Variants in RANBP2 observed in about 807,000 individuals in gnomAD.
RANBP2 encodes the protein E3 SUMO-protein ligase RanBP2.
Under a neutral mutation model 303.6 loss-of-function variants are expected in RANBP2, and 57 were observed. That is an observed-to-expected ratio of 0.19 (90% CI 0.15 to 0.23). The LOEUF (loss-of-function observed/expected upper bound fraction) is 0.23, where lower values mean the gene tolerates loss of function less well. RANBP2 is among the 10% of genes least tolerant of loss of function. The pLI is 1.00. For missense variants in RANBP2, 3,138 were observed against 3,780.8 expected, an observed-to-expected ratio of 0.83 and a Z score of 4.46; for synonymous variants, 1,167 against 1,301.5, an observed-to-expected ratio of 0.90 and a Z score of 2.23.
At chr2:108,775,693 A>G (rs1175479234) in intron 23 of RANBP2, 39 bp from the exon 24 acceptor site, 5 of 1,603,258 alleles carry the variant, frequency 3.1e-6, no homozygotes, top group Admixed American at 1.7e-5. Context: ...GTAAATTAGC[A>G]TTTAAGTGGC....
At chr2:109,565,781 G>A in the RANBP2 span, 1 of 1,613,734 alleles carries the variant, frequency 6.2e-7, no homozygotes, top group Non-Finnish European at 8.5e-7. Context: ...ACACCCCAAG[G>A]GTACTGGCGA....
the RANBP2 span, among the ~76,000 whole-genome samples, chr2:109,146,195 C>T: frequency 1.3e-5 from 2 of 152,052 alleles, no homozygotes; most frequent in African/African-American, 4.8e-5. Flanking sequence ...CTAATAATGG[C>T]CATTATTATT....
At chr2:108,896,940 C>G in the RANBP2 span, 1 of 1,612,900 alleles carries the variant, frequency 6.2e-7, no homozygotes, top group Non-Finnish European at 8.5e-7. Flanking sequence ...AGGCAGGTGG[C>G]ACAACCCCCG....
chr2:109,417,159 G>A, the RANBP2 span, among the ~76,000 whole-genome samples: 14 of 152,332 alleles, frequency 9.2e-5, no homozygotes, highest in Middle Eastern at 6.8e-3. Context: ...CCTGTGGACA[G>A]TGGAGAAAGC....
chr2:108,874,292 G>C, the RANBP2 span, among the ~76,000 whole-genome samples: 1 of 152,278 alleles, frequency 6.6e-6, no homozygotes, highest in East Asian at 1.9e-4. Context: ...AACTCTTATG[G>C]ACTGCCTACT....
the RANBP2 span, among the ~76,000 whole-genome samples, chr2:109,204,210 A>C: frequency 3.3e-5 from 5 of 152,034 alleles, no homozygotes; most frequent in South Asian, 1.0e-3. Context: ...ATCTGTCTGT[A>C]TGTCTGTCTG....
the RANBP2 span, among the ~76,000 whole-genome samples, chr2:109,445,248 T>G: frequency 6.6e-6 from 1 of 152,172 alleles, no homozygotes; most frequent in Non-Finnish European, 1.5e-5. Flanking sequence ...ATAGAAGAGA[T>G]GGGACAGAGA....
chr2:108,772,217 A>G (rs1356468947), intron 21 of RANBP2, among the ~76,000 whole-genome samples: 1 of 152,250 alleles, frequency 6.6e-6, no homozygotes, highest in Non-Finnish European at 1.5e-5. Flanking sequence ...TAAGCTGGAC[A>G]GTTAAATAAA....
the RANBP2 span, among the ~76,000 whole-genome samples, chr2:108,985,764 T>C: frequency 6.6e-6 from 1 of 152,236 alleles, no homozygotes; most frequent in African/African-American, 2.4e-5. Flanking sequence ...TGTTTGCTTA[T>C]TGACTTAGGG....
the RANBP2 span, among the ~76,000 whole-genome samples, chr2:109,235,935 T>C: frequency 5.1e-3 from 752 of 147,798 alleles, 33 homozygotes; most frequent in African/African-American, 0.018. Context: ...GCTGTGGGGT[T>C]GGTTTCACCT....
chr2:108,871,166 A>G, the RANBP2 span, among the ~76,000 whole-genome samples: 1 of 152,128 alleles, frequency 6.6e-6, no homozygotes, highest in Non-Finnish European at 1.5e-5. Flanking sequence ...AATGGCATGC[A>G]TTATACATGT....
the RANBP2 span, chr2:108,873,642 C>A: frequency 4.5e-6 from 6 of 1,335,298 alleles, no homozygotes; most frequent in African/African-American, 5.9e-5. Flanking sequence ...TTACTGTGAT[C>A]ATTTAAACCA....
At chr2:109,443,895 G>T in the RANBP2 span, among the ~76,000 whole-genome samples, 1 of 152,180 alleles carries the variant, frequency 6.6e-6, no homozygotes. Flanking sequence ...ACTTGACTTA[G>T]TTGACGTTTG....
chr2:109,722,080 G>A, the RANBP2 span, among the ~76,000 whole-genome samples: 3 of 152,200 alleles, frequency 2.0e-5, no homozygotes, highest in Admixed American at 1.3e-4. Context: ...GGGTGGAGAG[G>A]AGGATGGCAG....
In RANBP2 at chr2:108,782,681, A is replaced by G. The variant is rs1448893274; in HGVS notation, c.9188A>G (p.Asn3063Ser). ...GCAGCAGAATTATCAAAGGAGACCA[A>G]TCCTGTGGTGTTTTTTGATGTTTGT... is the stretch of plus-strand genomic sequence containing the variant. ...SLAAELSKET[N>S]PVVFFDVCAD... Residue 3063 changes from asparagine (N) to serine (S), a missense_variant, in exon 28 of 29, where the codon AAT (asparagine) becomes AGT (serine). Asn to Ser is a conservative substitution (Grantham distance 46, BLOSUM62 1). Transcript: ENST00000283195. 5 of 1,614,232 alleles carry G rather than the reference A, an allele frequency of 3.1e-6. No homozygotes were observed. The highest frequency in any genetic ancestry group is 4.2e-6 in the Non-Finnish European group (5 of 1,180,038).
the RANBP2 span, among the ~76,000 whole-genome samples, chr2:109,007,527 G>T: frequency 6.6e-6 from 1 of 152,186 alleles, no homozygotes; most frequent in Non-Finnish European, 1.5e-5. Flanking sequence ...GCATACTGCT[G>T]CCCTGGAGGT....
the RANBP2 span, among the ~76,000 whole-genome samples, chr2:109,154,912 G>C: frequency 6.6e-6 from 1 of 152,224 alleles, no homozygotes. Flanking sequence ...GTGGCCTTTG[G>C]AGAGTGTTGG....
chr2:109,150,683 C>G, the RANBP2 span, among the ~76,000 whole-genome samples: 1 of 152,020 alleles, frequency 6.6e-6, no homozygotes, highest in Non-Finnish European at 1.5e-5. Flanking sequence ...TCTGGCTCTA[C>G]ATTTCTGGGG....
At chr2:109,219,394 A>G in the RANBP2 span, among the ~76,000 whole-genome samples, 1 of 152,228 alleles carries the variant, frequency 6.6e-6, no homozygotes, top group African/African-American at 2.4e-5. Flanking sequence ...ACATTTTAGT[A>G]TTGCAAAAGG....
Sources: gnomAD v4.1 joint callset for allele counts (sites outside exome capture counted in the v4.1 genomes callset) on GRCh38, gnomAD v4.1.1 for gene constraint, MANE v1.5 for transcripts, NCBI Gene and HGNC (gene_info 2026-07-23, HGNC 2026-07-21) for gene names.